The following LRMDA variants were observed in gnomAD, a reference collection of about 807,000 sequenced individuals.
LRMDA encodes leucine-rich melanocyte differentiation-associated protein.
Under a neutral mutation model 29.8 loss-of-function variants are expected in LRMDA, and 18 were observed. The observed-to-expected ratio is 0.60, with a 90% CI of 0.42 to 0.90. The LOEUF is 0.90. LRMDA is among the 40% of genes least tolerant of loss of function. The pLI, the probability that LRMDA is intolerant of heterozygous loss-of-function variation, is 0.00. For synonymous variants in LRMDA, 125 were observed against 109.4 expected (o/e 1.14, Z -0.89); for missense variants, 273 against 273.9 (o/e 1.00, Z 0.02).
chr10:75,665,505 C>G (rs1365664512), intron 2 of LRMDA, among the ~76,000 whole-genome samples: 1 of 152,090 alleles, frequency 6.6e-6, no homozygotes, highest in Non-Finnish European at 1.5e-5. Flanking sequence ...TGCACATGTA[C>G]CCTAGAACTT....
chr10:75,777,317 G>A (rs962053942), intron 2 of LRMDA, among the ~76,000 whole-genome samples: 1 of 152,182 alleles, frequency 6.6e-6, no homozygotes, highest in Non-Finnish European at 1.5e-5. Flanking sequence ...AGAGCTGTGT[G>A]TCTCTGGGCC....
At chr10:76,219,506 A>G (rs1020498756) in intron 5 of LRMDA, among the ~76,000 whole-genome samples, 3 of 152,216 alleles carry the variant, frequency 2.0e-5, no homozygotes, top group African/African-American at 7.2e-5. Context: ...ACAAAGATCA[A>G]AAGAGGCAAA....
intron 6 of LRMDA, among the ~76,000 whole-genome samples, chr10:76,525,055 C>T (rs1044041481): frequency 1.3e-5 from 2 of 152,086 alleles, no homozygotes; most frequent in Non-Finnish European, 2.9e-5. Context: ...CATTCAATGG[C>T]AGGGCTTGGA....
rs77344745 is a variant in LRMDA at position 76,228,454 on chromosome 10, C to T, written c.517-95947C>T. 4.7e-3 allele frequency among the ~76,000 whole-genome samples: 710 copies of T among 152,228 alleles called. 2 individuals are homozygous for T. The highest frequency in any genetic ancestry group is 7.3e-3 in the Admixed American group (112 of 15,294). On this transcript the variant is annotated intron_variant, in intron 5 of 6. Transcript: ENST00000611255. ...TGCCATGTGGGAGATGAAGTTCATA[C>T]TCAAATCATCTTGTCCAGAATTCAT... is the stretch of plus-strand genomic sequence containing the variant.
intron 6 of LRMDA, among the ~76,000 whole-genome samples, chr10:76,415,327 T>G (rs181338207): frequency 6.6e-6 from 1 of 152,246 alleles, no homozygotes; most frequent in African/African-American, 2.4e-5. Flanking sequence ...AAGGGCTTTC[T>G]GTCCAGAAGA....
At chr10:75,806,605 G>A (rs541195702) in intron 2 of LRMDA, among the ~76,000 whole-genome samples, 19 of 151,530 alleles carry the variant, frequency 1.3e-4, no homozygotes, top group Admixed American at 1.2e-3. Flanking sequence ...GTGATTGATC[G>A]GGATAAAGTT....
At chr10:76,382,810 C>T (rs1841608927) in intron 6 of LRMDA, among the ~76,000 whole-genome samples, 1 of 152,162 alleles carries the variant, frequency 6.6e-6, no homozygotes, top group Non-Finnish European at 1.5e-5. Context: ...CTCCCACTCT[C>T]CCCCAAGCCA....
Position 76,058,724 on chromosome 10 carries a change from A to G in LRMDA, c.457A>G (p.Arg153Gly). The G allele has an allele frequency of 6.2e-7, 1 of 1,614,112 alleles. No homozygotes were observed. Among genetic ancestry groups the G allele is most frequent in the Non-Finnish European group, 8.5e-7 (1 of 1,180,006 alleles). The change falls in exon 5 of 7, where the codon AGA becomes GGA. Residue 153 changes from arginine to glycine, a missense_variant. Coordinates refer to ENST00000611255, the MANE Select transcript of LRMDA (RefSeq NM_001305581.2). ...ATTTCTGGATGCCCAGAAAGTAACCAGACAAGAACGAGAGGAGGCGTTGGT... is the reference window on the plus strand; with the variant it reads ...ATTTCTGGATGCCCAGAAAGTAACCGGACAAGAACGAGAGGAGGCGTTGGT... ...LKFLDAQKVT[R>G]QEREEALVRG...
At chr10:76,230,019 C>T (rs867009391) in intron 5 of LRMDA, among the ~76,000 whole-genome samples, 4 of 151,998 alleles carry the variant, frequency 2.6e-5, no homozygotes, top group Non-Finnish European at 5.9e-5. Context: ...ATTATTTTAG[C>T]GAGGCAGTGT....
chr10:76,069,436 G>A (rs527995535), intron 5 of LRMDA, among the ~76,000 whole-genome samples: 5 of 152,318 alleles, frequency 3.3e-5, no homozygotes, highest in Admixed American at 6.5e-5. Context: ...CATTGTCAGT[G>A]ATAGCAATTA....
At chr10:76,400,064 A>C (rs1030020183) in intron 6 of LRMDA, among the ~76,000 whole-genome samples, 1 of 152,228 alleles carries the variant, frequency 6.6e-6, no homozygotes, top group African/African-American at 2.4e-5. Context: ...TGTCACTTTC[A>C]TGATTAAGTG....
At chr10:75,563,810 T>G (rs549254557) in intron 2 of LRMDA, among the ~76,000 whole-genome samples, 3 of 152,164 alleles carry the variant, frequency 2.0e-5, no homozygotes, top group Non-Finnish European at 4.4e-5. Context: ...GACCCTGTTT[T>G]CCTGGGTATC....
At chr10:75,594,103 C>G (rs1840756548) in intron 2 of LRMDA, among the ~76,000 whole-genome samples, 2 of 152,226 alleles carry the variant, frequency 1.3e-5, no homozygotes, top group South Asian at 4.1e-4. Flanking sequence ...GGCCACTCTT[C>G]TCAAAGTGTT....
At chr10:76,105,749 G>C (rs1350115267) in intron 5 of LRMDA, among the ~76,000 whole-genome samples, 1 of 152,092 alleles carries the variant, frequency 6.6e-6, no homozygotes, top group African/African-American at 2.4e-5. Flanking sequence ...AATTTGTGCT[G>C]TTTTGTTTTG....
chr10:75,828,516 T>C (rs1239654597), intron 2 of LRMDA, among the ~76,000 whole-genome samples: 1 of 152,192 alleles, frequency 6.6e-6, no homozygotes, highest in Non-Finnish European at 1.5e-5. Flanking sequence ...TTGGAAGTTA[T>C]TGAGTTTCCT....
chr10:75,659,607 G>A (rs1157474243), intron 2 of LRMDA, among the ~76,000 whole-genome samples: 1 of 152,180 alleles, frequency 6.6e-6, no homozygotes, highest in Non-Finnish European at 1.5e-5. Flanking sequence ...CCCAGAAGCA[G>A]GGAATAGAAA....
chr10:76,208,876 G>A (rs1851585233), intron 5 of LRMDA, among the ~76,000 whole-genome samples: 1 of 152,026 alleles, frequency 6.6e-6, no homozygotes, highest in Non-Finnish European at 1.5e-5. Context: ...CCTTTCCGCT[G>A]GGTGCGGTGG....
intron 2 of LRMDA, among the ~76,000 whole-genome samples, chr10:75,449,564 G>C (rs1844436011): frequency 6.7e-6 from 1 of 149,832 alleles, no homozygotes; most frequent in Admixed American, 6.7e-5. Flanking sequence ...GCCTGTGGAA[G>C]TCACTATACC....
intron 2 of LRMDA, among the ~76,000 whole-genome samples, chr10:75,774,994 C>T (rs1008857078): frequency 6.6e-5 from 10 of 152,176 alleles, no homozygotes; most frequent in Admixed American, 1.3e-4. Context: ...TAGCCTCAGT[C>T]GGGAAGTGGT....
Sources: gnomAD v4.1 joint callset for allele counts (sites outside exome capture counted in the v4.1 genomes callset) on GRCh38, gnomAD v4.1.1 for gene constraint, MANE v1.5 for transcripts, NCBI Gene and HGNC (gene_info 2026-07-23, HGNC 2026-07-21) for gene names.